MAF: variants seen among roughly 807,000 people sequenced by gnomAD.
The protein encoded by MAF is transcription factor Maf.
Under a neutral mutation model 22.0 loss-of-function variants are expected in MAF, and 10 were observed. That is an observed-to-expected ratio of 0.45 (90% confidence interval 0.28 to 0.77). The LOEUF (loss-of-function observed/expected upper bound fraction) is 0.77. Ranked by LOEUF, MAF falls within the 30% of genes least tolerant of loss-of-function variation. The pLI is 0.12. For synonymous variants in MAF, 337 were observed against 255.8 expected, an observed-to-expected ratio of 1.32 and a Z score of -3.03; for missense variants, 544 against 548.4, an observed-to-expected ratio of 0.99 and a Z score of 0.08.
At chr16:79,470,265 C>T in the MAF span, among the ~76,000 whole-genome samples, 1 of 152,234 alleles carries the variant, frequency 6.6e-6, no homozygotes, top group African/African-American at 2.4e-5. Context: ...AACCCCAACA[C>T]TTGCCCTGCT....
the MAF span, among the ~76,000 whole-genome samples, chr16:79,286,542 A>G: frequency 3.3e-5 from 5 of 152,184 alleles, no homozygotes; most frequent in Admixed American, 3.3e-4. Context: ...CCTTGCATGC[A>G]CACGTGTATA....
the MAF span, among the ~76,000 whole-genome samples, chr16:79,222,411 A>G: frequency 6.6e-6 from 1 of 152,214 alleles, no homozygotes; most frequent in Non-Finnish European, 1.5e-5. Context: ...CATCAACACT[A>G]TGAAGAAACT....
At chr16:79,511,345 T>C in the MAF span, among the ~76,000 whole-genome samples, 5 of 152,110 alleles carry the variant, frequency 3.3e-5, no homozygotes, top group Non-Finnish European at 7.4e-5. Flanking sequence ...TGTGTGTATG[T>C]GATTTAAGAG....
At chr16:79,595,283 T>G (rs778866337) in intron 1 of MAF, 21 of 1,049,648 alleles carry the variant, frequency 2.0e-5, no homozygotes, top group Non-Finnish European at 2.4e-5. Flanking sequence ...AATGTCGAGG[T>G]TACACACTGT....
the MAF span, among the ~76,000 whole-genome samples, chr16:79,358,468 C>G: frequency 6.6e-6 from 1 of 152,126 alleles, no homozygotes; most frequent in East Asian, 1.9e-4. Flanking sequence ...CCCAGCAGAG[C>G]TACTTGATCC....
the MAF span, among the ~76,000 whole-genome samples, chr16:79,287,333 C>T: frequency 6.6e-5 from 10 of 152,328 alleles, no homozygotes; most frequent in East Asian, 1.2e-3. Flanking sequence ...GAAGCACTCC[C>T]GGGCCCTCGG....
At chr16:79,537,752 C>G in the MAF span, among the ~76,000 whole-genome samples, 1 of 152,132 alleles carries the variant, frequency 6.6e-6, no homozygotes, top group African/African-American at 2.4e-5. Context: ...GCCCTGGGTG[C>G]CAATGAGACA....
chr16:79,560,658 T>C, the MAF span, among the ~76,000 whole-genome samples: 87 of 152,230 alleles, frequency 5.7e-4, no homozygotes, highest in Middle Eastern at 3.4e-3. Flanking sequence ...ATGAAAATCC[T>C]CCTGAGGAAT....
the MAF span, among the ~76,000 whole-genome samples, chr16:79,503,639 C>G: frequency 1.3e-5 from 2 of 152,146 alleles, no homozygotes; most frequent in Non-Finnish European, 2.9e-5. Flanking sequence ...TCATCTTTGC[C>G]TACAGAGGAA....
At chr16:79,357,405 T>A in the MAF span, among the ~76,000 whole-genome samples, 1 of 152,108 alleles carries the variant, frequency 6.6e-6, no homozygotes. Flanking sequence ...AGCCAACAGT[T>A]GGGGCAACAG....
At chr16:79,570,489 C>T in the MAF span, among the ~76,000 whole-genome samples, 1 of 152,300 alleles carries the variant, frequency 6.6e-6, no homozygotes, top group East Asian at 1.9e-4. Flanking sequence ...ACATCTCCAG[C>T]CCACAGCCAT....
At chr16:79,335,624 C>T in the MAF span, among the ~76,000 whole-genome samples, 2 of 152,028 alleles carry the variant, frequency 1.3e-5, no homozygotes, top group Non-Finnish European at 2.9e-5. Context: ...GGCAGGGACC[C>T]CCAAGGGGAA....
At chr16:79,478,902 G>A in the MAF span, among the ~76,000 whole-genome samples, 27 of 151,768 alleles carry the variant, frequency 1.8e-4, no homozygotes, top group Non-Finnish European at 3.5e-4. Flanking sequence ...CACCACTCCA[G>A]TATACTTCTA....
the MAF span, among the ~76,000 whole-genome samples, chr16:79,488,757 A>G: frequency 2.6e-5 from 4 of 152,194 alleles, no homozygotes; most frequent in East Asian, 7.7e-4. Flanking sequence ...TAGAGAATGC[A>G]GTGCACAAAG....
chr16:79,504,217 AAAG>A, the MAF span, among the ~76,000 whole-genome samples: 1 of 152,200 alleles, frequency 6.6e-6, no homozygotes, highest in Non-Finnish European at 1.5e-5. Context: ...CCATTTTTAG[AAAG>A]AAGGAGAACC....
chr16:79,451,529 T>C, the MAF span, among the ~76,000 whole-genome samples: 1 of 152,236 alleles, frequency 6.6e-6, no homozygotes, highest in Non-Finnish European at 1.5e-5. Context: ...TTCAATGTTA[T>C]TTTGCGGTTC....
At chr16:79,227,715 G>C in the MAF span, among the ~76,000 whole-genome samples, 1 of 151,350 alleles carries the variant, frequency 6.6e-6, no homozygotes, top group Non-Finnish European at 1.5e-5. Context: ...TCTCATCTCT[G>C]CTACTATAAA....
the MAF span, among the ~76,000 whole-genome samples, chr16:79,430,587 TTTGCAGGAAA>T: frequency 6.6e-6 from 1 of 152,192 alleles, no homozygotes; most frequent in African/African-American, 2.4e-5. Context: ...ACAGAGCACA[TTTGCAGGAAA>T]TGTCTGCTGA....
the MAF span, among the ~76,000 whole-genome samples, chr16:79,452,785 T>C: frequency 6.6e-6 from 1 of 152,114 alleles, no homozygotes; most frequent in Non-Finnish European, 1.5e-5. Context: ...CCCTCCCTGC[T>C]CACACCTCCT....
Sources: allele counts gnomAD v4.1 joint callset (sites outside exome capture counted in the v4.1 genomes callset), GRCh38; gene constraint gnomAD v4.1.1; transcripts MANE v1.5; gene names NCBI Gene and HGNC (gene_info 2026-07-23, HGNC 2026-07-21).